Variants in RAD51B observed in about 807,000 individuals in gnomAD.
RAD51B encodes the protein DNA repair protein RAD51 homolog 2.
In RAD51B, 38 loss-of-function variants were observed where a neutral mutation model predicts 42.2. The ratio of observed to expected loss-of-function variants is 0.90; its 90% CI spans 0.70 to 1.18. The LOEUF is 1.18. RAD51B is among the 50% of genes most tolerant of loss of function. RAD51B has a pLI of 0.00. For synonymous variants in RAD51B, 154 were observed against 145.2 expected (o/e 1.06, Z -0.43); for missense variants, 373 against 400.7 (o/e 0.93, Z 0.59).
At chr14:67,953,221 C>G (rs146763784) in intron 7 of RAD51B, among the ~76,000 whole-genome samples, 102 of 152,154 alleles carry the variant, frequency 6.7e-4, no homozygotes, top group African/African-American at 2.4e-3. Context: ...GTGAACTGGA[C>G]ATTATGGTGT....
At chr14:68,408,533 T>C (rs1242917355) in intron 8 of RAD51B, among the ~76,000 whole-genome samples, 1 of 152,148 alleles carries the variant, frequency 6.6e-6, no homozygotes, top group Admixed American at 6.5e-5. Flanking sequence ...AGTGGAGCCA[T>C]GCCATGTAGA....
At chr14:68,193,042 C>T (rs1394388728) in intron 7 of RAD51B, among the ~76,000 whole-genome samples, 1 of 152,118 alleles carries the variant, frequency 6.6e-6, no homozygotes, top group Non-Finnish European at 1.5e-5. Context: ...TTACTGATAA[C>T]ATTTTTGTGG....
chr14:68,049,122 A>G (rs2076350460), intron 7 of RAD51B, among the ~76,000 whole-genome samples: 1 of 150,694 alleles, frequency 6.6e-6, no homozygotes, highest in Non-Finnish European at 1.5e-5. Flanking sequence ...AAAACCAAAC[A>G]CTGCATGTTC....
chr14:68,161,674 G>A (rs2078641876), intron 7 of RAD51B, among the ~76,000 whole-genome samples: 1 of 152,186 alleles, frequency 6.6e-6, no homozygotes, highest in South Asian at 2.1e-4. Flanking sequence ...GGAAGTTGAG[G>A]ATTAATTAAG....
In RAD51B at chr14:67,894,419, T is replaced by C. The variant is rs538319954; in HGVS notation, c.756+7215T>C. On this transcript the variant is annotated intron_variant, in intron 7 of 10. Coordinates refer to ENST00000471583, the MANE Select transcript of RAD51B (RefSeq NM_133510.4). ...TACACTTATTTTTTGGATCTCAGACTCTTTTTGTCTTTCCTTTTCGATTCC... is the reference window on the plus strand; with the variant it reads ...TACACTTATTTTTTGGATCTCAGACCCTTTTTGTCTTTCCTTTTCGATTCC... 2.0e-5 allele frequency among the ~76,000 whole-genome samples: 3 copies of C among 152,312 alleles called. No individual in the cohort carries two copies. In the South Asian group the frequency reaches 6.2e-4, roughly 32 times the overall value.
intron 10 of RAD51B, among the ~76,000 whole-genome samples, chr14:68,574,665 G>A (rs1889880310): frequency 6.6e-6 from 1 of 152,220 alleles, no homozygotes; most frequent in Admixed American, 6.5e-5. Flanking sequence ...AAGCAGAAAT[G>A]TATTACTGCA....
At chr14:68,027,194 T>C (rs902643162) in intron 7 of RAD51B, among the ~76,000 whole-genome samples, 1 of 152,180 alleles carries the variant, frequency 6.6e-6, no homozygotes, top group Non-Finnish European at 1.5e-5. Flanking sequence ...TTGTAAGGTT[T>C]CTGCTTGGAG....
At chr14:68,092,945 C>G (rs2077126847) in intron 7 of RAD51B, among the ~76,000 whole-genome samples, 1 of 150,080 alleles carries the variant, frequency 6.7e-6, no homozygotes, top group Non-Finnish European at 1.5e-5. Context: ...TTTTCTGCAT[C>G]TATTGAGATA....
chr14:68,387,751 A>G (rs947606976), intron 8 of RAD51B, among the ~76,000 whole-genome samples: 1 of 152,074 alleles, frequency 6.6e-6, no homozygotes, highest in Non-Finnish European at 1.5e-5. Context: ...CACACACACT[A>G]TCTCTTACAC....
chr14:68,149,503 T>C (rs1002725160), intron 7 of RAD51B: 4 of 152,254 alleles, frequency 2.6e-5, no homozygotes, highest in African/African-American at 9.6e-5. Flanking sequence ...ACTATATTTA[T>C]GTGAGTCTGT....
At chr14:68,015,361 A>G (rs1265236061) in intron 7 of RAD51B, among the ~76,000 whole-genome samples, 3 of 152,170 alleles carry the variant, frequency 2.0e-5, no homozygotes, top group Non-Finnish European at 4.4e-5. Flanking sequence ...GCAGAGGTAT[A>G]TTATAGTCAT....
chr14:68,648,265 G>T (rs913975512), intron 10 of RAD51B, among the ~76,000 whole-genome samples: 3 of 147,018 alleles, frequency 2.0e-5, no homozygotes, highest in Non-Finnish European at 4.5e-5. Flanking sequence ...CGTGCTCAAA[G>T]TAGAATGAAC....
chr14:68,460,355 A>T (rs981516386), intron 9 of RAD51B, among the ~76,000 whole-genome samples: 11 of 152,250 alleles, frequency 7.2e-5, no homozygotes, highest in African/African-American at 9.6e-5. Flanking sequence ...CGGGAGGCTG[A>T]GGCAGGAGAA....
intron 8 of RAD51B, among the ~76,000 whole-genome samples, chr14:68,367,822 G>T (rs1383933151): frequency 6.6e-6 from 1 of 152,200 alleles, no homozygotes; most frequent in Non-Finnish European, 1.5e-5. Flanking sequence ...GATTATTAGT[G>T]ATGGACACAA....
At chr14:68,682,290 C>G (rs1009319143) in intron 11 of RAD51B, among the ~76,000 whole-genome samples, 1 of 152,176 alleles carries the variant, frequency 6.6e-6, no homozygotes, top group African/African-American at 2.4e-5. Flanking sequence ...AGCTAGTCAA[C>G]TTTTCCCATC....
At chr14:68,421,356 G>A (rs1178071744) in intron 9 of RAD51B, among the ~76,000 whole-genome samples, 1 of 152,162 alleles carries the variant, frequency 6.6e-6, no homozygotes, top group African/African-American at 2.4e-5. Context: ...TTATCTCCTG[G>A]GGTGGCTGTG....
intron 7 of RAD51B, among the ~76,000 whole-genome samples, chr14:68,114,366 ATT>A (rs1280827125): frequency 6.6e-6 from 1 of 152,116 alleles, no homozygotes; most frequent in East Asian, 1.9e-4. Flanking sequence ...TTGGAAAATC[ATT>A]TGTTTTATAC....
intron 10 of RAD51B, among the ~76,000 whole-genome samples, chr14:68,504,662 C>CTTTTTTTTTTTTTTTTTTT (rs57967320): frequency 1.0e-4 from 9 of 90,436 alleles, no homozygotes; most frequent in Non-Finnish European, 1.2e-4. Flanking sequence ...TTTTTTCTTT[C>CTTTTTTTTTTTTTTTTTTT]TTTTTTTTTT....
chr14:68,151,338 T>G (rs1238416121), intron 7 of RAD51B, among the ~76,000 whole-genome samples: 2 of 151,988 alleles, frequency 1.3e-5, no homozygotes, highest in African/African-American at 4.8e-5. Flanking sequence ...TTTTGAGATT[T>G]TCTTTTCTCT....
Sources: gnomAD v4.1 joint callset for allele counts (sites outside exome capture counted in the v4.1 genomes callset) on GRCh38, gnomAD v4.1.1 for gene constraint, MANE v1.5 for transcripts, NCBI Gene and HGNC (gene_info 2026-07-23, HGNC 2026-07-21) for gene names.